FAM53A: variants seen among roughly 807,000 people sequenced by gnomAD.
FAM53A encodes the protein protein FAM53A.
Under a neutral mutation model 26.6 loss-of-function variants are expected in FAM53A, and 28 were observed. The ratio of observed to expected loss-of-function variants is 1.05; its 90% CI spans 0.78 to 1.45. The LOEUF (loss-of-function observed/expected upper bound fraction) is 1.45, where lower values mean the gene tolerates loss of function less well. Among genes scored for constraint, FAM53A ranks in the 40% most tolerant of loss-of-function variants. The pLI is 0.00. For missense variants in FAM53A, 650 were observed against 575.8 expected (o/e 1.13, Z -1.32); for synonymous variants, 290 against 253.1 (o/e 1.15, Z -1.38).
chr4:1,655,823 C>G, intron 3 of FAM53A, 100 bp from the exon 4 acceptor site: 1 of 1,361,850 alleles, frequency 7.3e-7, no homozygotes, highest in Non-Finnish European at 9.6e-7. Flanking sequence ...GTCAAGGGCA[C>G]AACCCCATCG....
chr4:1,665,503 G>T (rs1379884058), intron 2 of FAM53A, among the ~76,000 whole-genome samples: 3 of 150,180 alleles, frequency 2.0e-5, no homozygotes, highest in African/African-American at 4.9e-5. Flanking sequence ...AAAAAAAAAA[G>T]TAAAAAGACT....
chr4:1,623,956 C>T (rs573823614), intron 1 of FAM53A, among the ~76,000 whole-genome samples: 71 of 152,168 alleles, frequency 4.7e-4, no homozygotes, highest in African/African-American at 1.6e-3. Flanking sequence ...AAGCCTCCCC[C>T]GGGACCCTGG....
downstream of FAM53A, among the ~76,000 whole-genome samples, chr4:1,614,249 G>T (rs1714725083): frequency 6.6e-6 from 1 of 152,148 alleles, no homozygotes; most frequent in Admixed American, 6.5e-5. Flanking sequence ...AGACCCTGGG[G>T]CTCCACGGCC....
intron 1 of FAM53A, among the ~76,000 whole-genome samples, chr4:1,626,947 G>A (rs571982102): frequency 1.3e-5 from 2 of 152,326 alleles, no homozygotes; most frequent in South Asian, 4.1e-4. Context: ...GAGGGTGGGG[G>A]CCTGGCCTGG....
intron 1 of FAM53A, among the ~76,000 whole-genome samples, chr4:1,671,248 C>A (rs1714630259): frequency 6.6e-6 from 1 of 151,458 alleles, no homozygotes; most frequent in Non-Finnish European, 1.5e-5. Context: ...CAGCCACAGC[C>A]CGGACTCACC....
At chr4:1,593,458 C>G in the FAM53A span, among the ~76,000 whole-genome samples, 7 of 152,136 alleles carry the variant, frequency 4.6e-5, no homozygotes, top group Non-Finnish European at 8.8e-5. Flanking sequence ...AGATCAATAG[C>G]TTTGGAAATC....
rs540246576 is a variant in FAM53A, at chr4:1,621,504, G to T, written c.432-3393C>A. ...GTCACATGGCCACACTCCACTGCAAGGAAGGTTGGGAGGTGGGGCCCAGCA... is the reference window on the plus strand; with the variant it reads ...GTCACATGGCCACACTCCACTGCAATGAAGGTTGGGAGGTGGGGCCCAGCA... On this transcript the variant is annotated intron_variant, in intron 1 of 1. Transcript: ENST00000489029. Among the ~76,000 whole-genome samples, 18 of 152,340 alleles carry T rather than the reference G, an allele frequency of 1.2e-4. No individual in the cohort carries two copies. The South Asian group carries it at 3.7e-3, about 32-fold the overall frequency.
chr4:1,645,303 G>A (rs1351889015), intron 4 of FAM53A, among the ~76,000 whole-genome samples: 1 of 152,252 alleles, frequency 6.6e-6, no homozygotes, highest in Non-Finnish European at 1.5e-5. Flanking sequence ...TGTCAGGCGA[G>A]GAGGCCAGTG....
At chr4:1,601,166 C>T in the FAM53A span, among the ~76,000 whole-genome samples, 3 of 152,172 alleles carry the variant, frequency 2.0e-5, no homozygotes, top group Admixed American at 6.5e-5. Flanking sequence ...CAGGCCCCCA[C>T]CTCATCCCAG....
chr4:1,586,565 G>A, the FAM53A span, among the ~76,000 whole-genome samples: 1 of 151,884 alleles, frequency 6.6e-6, no homozygotes, highest in Admixed American at 6.6e-5. Flanking sequence ...CACGAGGTCA[G>A]AAGATCGAGA....
the FAM53A span, among the ~76,000 whole-genome samples, chr4:1,612,088 A>C: frequency 2.0e-5 from 3 of 152,306 alleles, no homozygotes; most frequent in Admixed American, 6.5e-5. Context: ...TGATGAATTG[A>C]ATGGGTTTAA....
At chr4:1,658,311 C>A (rs376928105) in intron 2 of FAM53A, among the ~76,000 whole-genome samples, 1 of 152,250 alleles carries the variant, frequency 6.6e-6, no homozygotes, top group Non-Finnish European at 1.5e-5. Flanking sequence ...TGAGCCACCA[C>A]GCCCGGCCTC....
intron 1 of FAM53A, among the ~76,000 whole-genome samples, chr4:1,623,878 C>A (rs192505978): frequency 5.3e-5 from 8 of 152,316 alleles, no homozygotes; most frequent in Non-Finnish European, 1.2e-4. Context: ...TTGATGGGCT[C>A]CCTCTCTGGC....
chr4:1,575,164 A>G, the FAM53A span, among the ~76,000 whole-genome samples: 3 of 152,094 alleles, frequency 2.0e-5, no homozygotes, highest in Admixed American at 2.0e-4. Flanking sequence ...GCCACCCGGC[A>G]GGGCTGACTG....
chr4:1,682,139 C>T (rs1715482108), intron 1 of FAM53A, among the ~76,000 whole-genome samples: 1 of 152,138 alleles, frequency 6.6e-6, no homozygotes, highest in African/African-American at 2.4e-5. Context: ...GTTCCTGAGT[C>T]CCTGACACAC....
chr4:1,584,558 G>C, the FAM53A span, among the ~76,000 whole-genome samples: 7 of 152,258 alleles, frequency 4.6e-5, no homozygotes, highest in Non-Finnish European at 1.0e-4. Context: ...TTTGGGAAGA[G>C]AGAAAGTGGC....
chr4:1,660,878 CT>C lies in FAM53A; in HGVS notation c.76-3411del, dbSNP rs1420929401. Among the ~76,000 whole-genome samples the C allele has an allele frequency of 4.1e-4, 61 of 150,594 alleles. 1 individual carries two copies. The highest frequency in any genetic ancestry group is 1.4e-3 in the African/African-American group (59 of 40,982). Reference sequence around the variant, plus strand: ...CCTGGGTGACAGAGCCAGACTCCATCTCAAAAAAAAAAAAACTAAAAGTTTT... The same window carrying C: ...CCTGGGTGACAGAGCCAGACTCCATCCAAAAAAAAAAAAACTAAAAGTTTT... On this transcript the variant is annotated intron_variant, in intron 2 of 4. Coordinates refer to ENST00000308132, the MANE Select transcript of FAM53A (RefSeq NM_001174070.3).
intron 4 of FAM53A, chr4:1,644,394 G>A (rs1166004336): frequency 6.6e-6 from 10 of 1,522,028 alleles, no homozygotes; most frequent in Non-Finnish European, 8.8e-6. Flanking sequence ...CACAGTCGGT[G>A]CAGGAGAAAA....
At position 1,668,694 on chromosome 4, in the gene FAM53A, G is replaced by A. The variant is rs201923489; in HGVS notation, c.48C>T (p.Asp16=). Residue 16 remains aspartate (D), a synonymous_variant, in exon 2 of 5, where the codon GAC becomes GAT. Coordinates refer to ENST00000308132, the MANE Select transcript of FAM53A (RefSeq NM_001174070.3). ...GGCCAGCCTCCGCCTTGCAGGTGAG[G>A]TCGTCCAGGCTCTGGCTCTGCAGCT... is the stretch of plus-strand genomic sequence containing the variant. ...TEKLQSQSLD[D]LTCKAEAGPL... The A allele has an allele frequency of 6.2e-6, 10 of 1,614,166 alleles. No homozygotes were observed. The highest frequency in any genetic ancestry group is 3.3e-4 in the Middle Eastern group (2 of 6,060).
Sources: allele counts gnomAD v4.1 joint callset (sites outside exome capture counted in the v4.1 genomes callset), GRCh38; gene constraint gnomAD v4.1.1; transcripts MANE v1.5; gene names NCBI Gene and HGNC (gene_info 2026-07-23, HGNC 2026-07-21).